The following NUCB1 variants were observed in gnomAD, a reference collection of about 807,000 sequenced individuals.
The protein encoded by NUCB1 is nucleobindin-1.
In NUCB1, 47 loss-of-function variants were observed where a neutral mutation model predicts 61.2. The ratio of observed to expected loss-of-function variants is 0.77; its 90% CI spans 0.61 to 0.98. NUCB1 has a LOEUF of 0.98. NUCB1 is among the 50% of genes least tolerant of loss of function. The pLI is 0.00. For synonymous variants in NUCB1, 234 were observed against 243.1 expected, an observed-to-expected ratio of 0.96 and a Z score of 0.35; for missense variants, 583 against 605.3, an observed-to-expected ratio of 0.96 and a Z score of 0.39.
intron 1 of NUCB1, 147 bp downstream of exon 1, chr19:48,900,519 C>T: frequency 1.9e-6 from 1 of 536,632 alleles, no homozygotes; most frequent in Non-Finnish European, 3.3e-6. Flanking sequence ...ACTCTTGGGT[C>T]TGGGGGAGGA....
intron 2 of NUCB1, among the ~76,000 whole-genome samples, chr19:48,902,675 G>C (rs2037365372): frequency 1.3e-5 from 2 of 151,882 alleles, no homozygotes; most frequent in Non-Finnish European, 2.9e-5. Context: ...CTCCCAAAGT[G>C]CTGGGATAAT....
chr19:48,900,588 C>A, intron 1 of NUCB1, 198 bp from the exon 2 acceptor site: 1 of 663,592 alleles, frequency 1.5e-6, no homozygotes. Context: ...AGCCAGGACC[C>A]CTGGGTCTGA....
intron 7 of NUCB1, 120 bp from the exon 8 acceptor site, chr19:48,918,606 G>T: frequency 1.3e-6 from 1 of 789,430 alleles, no homozygotes; most frequent in South Asian, 1.4e-5. Flanking sequence ...CACCGCGGGA[G>T]ACCCGTAGTT....
chr19:48,913,489 T>C lies in NUCB1; in HGVS notation c.682T>C (p.Leu228=), dbSNP rs1475144466. 3.7e-6 allele frequency: 6 copies of C among 1,614,042 alleles called. No homozygotes were observed. Among genetic ancestry groups the C allele is most frequent in the Non-Finnish European group, 5.1e-6 (6 of 1,180,018 alleles). Residue 228 remains leucine (L), a synonymous_variant, in exon 7 of 13, where the codon TTG becomes CTG. Transcript: ENST00000405315. ...KVNVPGSQAQ[L]KEVWEELDGL... ...CCCTCCACAGGGCAGCCAAGCCCAGTTGAAGGAGGTGTGGGAGGAGCTGGA... is the reference window on the plus strand; with the variant it reads ...CCCTCCACAGGGCAGCCAAGCCCAGCTGAAGGAGGTGTGGGAGGAGCTGGA...
intron 7 of NUCB1, among the ~76,000 whole-genome samples, chr19:48,916,685 AG>A (rs1269353017): frequency 6.6e-6 from 1 of 152,140 alleles, no homozygotes; most frequent in African/African-American, 2.4e-5. Context: ...TCGGAGGCCA[AG>A]GCAGGCAGAT....
chr19:48,906,017 G>T (rs186907389), intron 4 of NUCB1, 132 bp downstream of exon 4: 5 of 829,568 alleles, frequency 6.0e-6, no homozygotes, highest in Non-Finnish European at 9.4e-6. Context: ...TGAAATGTGC[G>T]TGGGAGATTG....
In NUCB1 at chr19:48,916,745, G is replaced by A. The variant is rs542358412; in HGVS notation, c.758-1981G>A. 3.3e-5 allele frequency among the ~76,000 whole-genome samples: 5 copies of A among 152,062 alleles called. No individual in the cohort carries two copies. The East Asian group carries it at 9.7e-4, about 29-fold the overall frequency. On this transcript the variant is annotated intron_variant, in intron 7 of 12. Transcript: ENST00000405315. ...ATCCTGGCCAACATAGTGAAACCCC[G>A]TCTCTACTAAAAATACAAAAATTAT...
chr19:48,913,672 C>T (rs1165770110), intron 7 of NUCB1, 108 bp downstream of exon 7: 5 of 860,850 alleles, frequency 5.8e-6, no homozygotes, highest in Non-Finnish European at 7.6e-6. Context: ...TTAGTCAGGC[C>T]CAAGAGCCAA....
intron 4 of NUCB1, among the ~76,000 whole-genome samples, chr19:48,906,270 G>A (rs1232408516): frequency 6.6e-6 from 1 of 151,948 alleles, no homozygotes; most frequent in Non-Finnish European, 1.5e-5. Flanking sequence ...CGGGCATGGT[G>A]GTGCACGCCT....
chr19:48,918,414 C>T (rs987496007), intron 7 of NUCB1: 1 of 312,712 alleles, frequency 3.2e-6, no homozygotes, highest in Non-Finnish European at 6.1e-6. Flanking sequence ...CCCTGATAAC[C>T]CTGGAGCTGA....
intron 4 of NUCB1, among the ~76,000 whole-genome samples, chr19:48,907,845 G>A (rs1397658090): frequency 2.7e-5 from 4 of 149,684 alleles, no homozygotes; most frequent in Admixed American, 6.6e-5. Flanking sequence ...CTTCCCGTAT[G>A]CACCCTGACC....
Position 48,913,684 on chromosome 19 carries a change from C to G in NUCB1, c.757+120C>G, listed in dbSNP as rs577770292. On this transcript the variant is annotated intron_variant, in intron 7 of 12. Transcript: ENST00000405315. ...GGCTTAGTCAGGCCCAAGAGCCAAG[C>G]CTATGTCCCCTGGTTGACCAGACAG... 5.4e-6 allele frequency: 4 copies of G among 735,662 alleles called. No individual in the cohort carries two copies. The Admixed American group carries it at 6.5e-5, about 12-fold the overall frequency. The allele number at this position is 735,662 out of a possible 1,614,324, so 45.6% of individuals were successfully genotyped here. A position where few individuals can be genotyped will look rare whatever the true frequency, so the allele number is the denominator to read the frequency against.
intron 4 of NUCB1, 58 bp downstream of exon 4, chr19:48,905,943 C>T (rs1375242304): frequency 8.6e-7 from 1 of 1,160,052 alleles, no homozygotes; most frequent in Non-Finnish European, 1.1e-6. Context: ...GGTGGCCTCA[C>T]TCCCGGCCTC....
intron 10 of NUCB1, among the ~76,000 whole-genome samples, chr19:48,919,519 C>G (rs2037583641): frequency 6.6e-6 from 1 of 150,998 alleles, no homozygotes; most frequent in Non-Finnish European, 1.5e-5. Flanking sequence ...ACTCCATCGC[C>G]CAGGCTGCAG....
intron 5 of NUCB1, 55 bp from the exon 6 acceptor site, chr19:48,912,956 G>A (rs890476847): frequency 1.4e-5 from 20 of 1,431,540 alleles, no homozygotes; most frequent in South Asian, 8.2e-5. Flanking sequence ...TTACAGGCTG[G>A]AATTGGGGGC....
chr19:48,919,895 A>C (rs1284065108), intron 10 of NUCB1, among the ~76,000 whole-genome samples: 2 of 150,468 alleles, frequency 1.3e-5, no homozygotes, highest in East Asian at 3.9e-4. Flanking sequence ...CAGCCTCATG[A>C]GTAGCTGGGA....
chr19:48,921,596 G>A (rs1034609751), intron 11 of NUCB1, among the ~76,000 whole-genome samples: 1 of 152,152 alleles, frequency 6.6e-6, no homozygotes, highest in African/African-American at 2.4e-5. Context: ...GATGGGTGAG[G>A]GTTTCCCTGT....
At chr19:48,902,429 T>C (rs532807713) in intron 2 of NUCB1, among the ~76,000 whole-genome samples, 1 of 148,874 alleles carries the variant, frequency 6.7e-6, no homozygotes, top group Non-Finnish European at 1.5e-5. Context: ...TCTTTTTTTT[T>C]TTTTTTTTTA....
intron 5 of NUCB1, among the ~76,000 whole-genome samples, 175 bp downstream of exon 5, chr19:48,911,427 C>T (rs1464506092): frequency 3.8e-5 from 5 of 129,942 alleles, no homozygotes; most frequent in Non-Finnish European, 6.4e-5. Context: ...TTTTTTGAGA[C>T]GAAATCTCGC....
Sources: allele counts gnomAD v4.1 joint callset (sites outside exome capture counted in the v4.1 genomes callset), GRCh38; gene constraint gnomAD v4.1.1; transcripts MANE v1.5; gene names NCBI Gene and HGNC (gene_info 2026-07-23, HGNC 2026-07-21).